Variants in CD86 observed in about 807,000 individuals in gnomAD.
CD86 encodes CD86 molecule.
In CD86, 11 loss-of-function variants were observed where a neutral mutation model predicts 32.1. That is an observed-to-expected ratio of 0.34 (90% CI 0.22 to 0.57). CD86 has a LOEUF of 0.57. Among genes scored for constraint, CD86 ranks in the 20% least tolerant of loss-of-function variants. The pLI, the probability that CD86 is intolerant of heterozygous loss-of-function variation, is 0.86. For synonymous variants in CD86, 137 were observed against 135.3 expected (o/e 1.01, Z -0.09); for missense variants, 359 against 398.4 (o/e 0.90, Z 0.84).
At chr3:122,113,651 CT>C (rs2073207491) in intron 5 of CD86, among the ~76,000 whole-genome samples, 1 of 151,984 alleles carries the variant, frequency 6.6e-6, no homozygotes, top group Admixed American at 6.6e-5. Context: ...TGTATATTTT[CT>C]TTTCAGAATT....
At chr3:122,103,426 T>C (rs2073040965) in intron 2 of CD86, 86 bp from the exon 3 acceptor site, 5 of 798,184 alleles carry the variant, frequency 6.3e-6, no homozygotes, top group Non-Finnish European at 1.0e-5. Flanking sequence ...GATAAGATAG[T>C]ATCTGGGTAT....
At chr3:122,078,412 C>T (rs1451087101) in intron 1 of CD86, among the ~76,000 whole-genome samples, 4 of 152,146 alleles carry the variant, frequency 2.6e-5, no homozygotes, top group East Asian at 1.9e-4. Flanking sequence ...GATGTCAGCT[C>T]GCCTCGCCTG....
intron 1 of CD86, among the ~76,000 whole-genome samples, chr3:122,089,772 C>T (rs753973647): frequency 5.3e-5 from 8 of 152,122 alleles, no homozygotes; most frequent in African/African-American, 1.9e-4. Flanking sequence ...TTGGAAACAA[C>T]GTTAAGTATC....
At chr3:122,092,284 C>T (rs1432792439) in intron 2 of CD86, 2 of 152,210 alleles carry the variant, frequency 1.3e-5, no homozygotes, top group African/African-American at 2.4e-5. Flanking sequence ...TTTCTAAATC[C>T]CCCTCAAGAC....
intron 1 of CD86, among the ~76,000 whole-genome samples, chr3:122,063,159 T>G (rs1436480085): frequency 6.6e-6 from 1 of 152,224 alleles, no homozygotes; most frequent in Admixed American, 6.5e-5. Context: ...TTTTTCGCTT[T>G]CTGGACTTCA....
chr3:122,068,457 G>A (rs2072444591), intron 1 of CD86, among the ~76,000 whole-genome samples: 1 of 152,120 alleles, frequency 6.6e-6, no homozygotes, highest in Non-Finnish European at 1.5e-5. Context: ...AATGTCATGT[G>A]CTTTGTAAAG....
intron 6 of CD86, 70 bp downstream of exon 6, chr3:122,118,163 C>T (rs1331610403): frequency 7.7e-7 from 1 of 1,300,526 alleles, no homozygotes; most frequent in Non-Finnish European, 1.1e-6. Context: ...CTTGAATAGG[C>T]TTATGCCTAA....
intron 1 of CD86, among the ~76,000 whole-genome samples, chr3:122,085,093 C>A (rs905116343): frequency 2.0e-5 from 3 of 152,098 alleles, no homozygotes; most frequent in Non-Finnish European, 4.4e-5. Context: ...TCATTATATT[C>A]CTAGCACCAA....
At chr3:122,101,876 G>A (rs139449536) in intron 2 of CD86, among the ~76,000 whole-genome samples, 35 of 152,008 alleles carry the variant, frequency 2.3e-4, no homozygotes, top group Non-Finnish European at 4.4e-4. Context: ...TCACTGTCAG[G>A]GTACGCATAT....
At chr3:122,097,626 G>A (rs1939031900) in intron 2 of CD86, among the ~76,000 whole-genome samples, 1 of 152,154 alleles carries the variant, frequency 6.6e-6, no homozygotes, top group African/African-American at 2.4e-5. Flanking sequence ...TATGGACCTG[G>A]GGGTGGAGGA....
intron 1 of CD86, among the ~76,000 whole-genome samples, chr3:122,081,686 GAATGAGTGGACTT>G: frequency 6.6e-6 from 1 of 152,336 alleles, no homozygotes; most frequent in South Asian, 2.1e-4. Context: ...GGGAGTATCA[GAATGAGTGGACTT>G]AATTACTTAA....
chr3:122,108,351 T>C (rs563221206), intron 4 of CD86, among the ~76,000 whole-genome samples: 12 of 152,248 alleles, frequency 7.9e-5, no homozygotes, highest in African/African-American at 2.6e-4. Flanking sequence ...CCCCCTTTAC[T>C]GGGAGTGCCA....
chr3:122,091,646 C>A lies in CD86; in HGVS notation c.60C>A (p.Leu20=). The A allele has an allele frequency of 6.2e-7, 1 of 1,612,464 alleles. No homozygotes were observed. The highest frequency in any genetic ancestry group is 1.1e-5 in the South Asian group (1 of 91,032). ...SNILFVMAFL[L]SGAAPLKIQA... ...TTCTCTTTGTGATGGCCTTCCTGCT[C>A]TCTGGTAAGAACCTTTCAGCTTTGT... The change falls in exon 2 of 7, where the codon CTC becomes CTA. Residue 20 remains leucine (L), a synonymous_variant. Transcript: ENST00000330540.
At chr3:122,078,515 T>A (rs1312997069) in intron 1 of CD86, among the ~76,000 whole-genome samples, 1 of 152,144 alleles carries the variant, frequency 6.6e-6, no homozygotes, top group Non-Finnish European at 1.5e-5. Context: ...CTGTTTGACC[T>A]TTCCCTTCTC....
intron 5 of CD86, among the ~76,000 whole-genome samples, chr3:122,116,477 T>C (rs1279488548): frequency 6.6e-6 from 1 of 152,172 alleles, no homozygotes; most frequent in African/African-American, 2.4e-5. Context: ...TTAAAAGGTC[T>C]GATAAACATC....
At chr3:122,058,214 G>A (rs934973214) in intron 1 of CD86, among the ~76,000 whole-genome samples, 8 of 152,180 alleles carry the variant, frequency 5.3e-5, no homozygotes, top group Admixed American at 2.0e-4. Context: ...AGAACAGAAT[G>A]GAGGAAGGTT....
At chr3:122,061,642 C>T (rs951215182) in intron 1 of CD86, among the ~76,000 whole-genome samples, 3 of 152,004 alleles carry the variant, frequency 2.0e-5, no homozygotes, top group Non-Finnish European at 4.4e-5. Flanking sequence ...AAAATTAAAC[C>T]ACTACCTACC....
In CD86 at chr3:122,078,125, G is replaced by A. The variant is rs9282645; in HGVS notation, c.15-13476G>A. 2,015 of 855,906 alleles carry A rather than the reference G, an allele frequency of 2.4e-3. 19 individuals carry two copies. In the South Asian group the frequency reaches 0.037, roughly 16 times the overall value. The allele number at this position is 855,906 out of a possible 1,614,324, so 53.0% of individuals were successfully genotyped here. ...CTGCATCTGGGGCAGAAATGCTGAT[G>A]TGCTAATGGCCGGCCAGAGAATGAG... On this transcript the variant is annotated intron_variant, in intron 1 of 6. Coordinates refer to ENST00000330540, the MANE Select transcript of CD86 (RefSeq NM_175862.5).
rs563260185 is a variant in CD86, at chr3:122,085,361, AAAGAGGGTTTCTGCCCTGAGCTGCTC to A, written c.15-6214_15-6189del. On this transcript the variant is annotated intron_variant, in intron 1 of 6. Coordinates refer to ENST00000330540, the MANE Select transcript of CD86 (RefSeq NM_175862.5). ...CCTATCTTACTCTTCCCAGTATCTC[AAAGAGGGTTTCTGCCCTGAGCTGCTC>A]AAGAGGGTTTCTGCCCTGAGCTGCT... Among the ~76,000 whole-genome samples, 1,022 of 152,256 alleles carry A rather than the reference AAAGAGGGTTTCTGCCCTGAGCTGCTC, an allele frequency of 6.7e-3. 7 individuals carry two copies. The highest frequency in any genetic ancestry group is 0.011 in the Non-Finnish European group (775 of 68,014).
Sources: gnomAD v4.1 joint callset for allele counts (sites outside exome capture counted in the v4.1 genomes callset) on GRCh38, gnomAD v4.1.1 for gene constraint, MANE v1.5 for transcripts, NCBI Gene and HGNC (gene_info 2026-07-23, HGNC 2026-07-21) for gene names.